The following IMMP2L variants were observed in gnomAD, a reference collection of about 807,000 sequenced individuals.
The protein encoded by IMMP2L is inner mitochondrial membrane peptidase subunit 2.
Under a neutral mutation model 19.3 loss-of-function variants are expected in IMMP2L, and 18 were observed. The observed-to-expected ratio is 0.93, with a 90% CI of 0.64 to 1.38. The LOEUF is 1.38. IMMP2L is among the 40% of genes most tolerant of loss of function. The pLI, the probability that IMMP2L is intolerant of heterozygous loss-of-function variation, is 0.00. For missense variants in IMMP2L, 233 were observed against 218.2 expected (o/e 1.07, Z -0.43); for synonymous variants, 76 against 73.0 (o/e 1.04, Z -0.21).
intron 3 of IMMP2L, among the ~76,000 whole-genome samples, chr7:111,251,211 C>G (rs138637915): frequency 0.01 from 1,554 of 152,206 alleles, 16 homozygotes; most frequent in Middle Eastern, 0.02. Context: ...CCATCTTACT[C>G]CAGTCAGAAT....
At chr7:110,789,708 T>C (rs1414124046) in intron 5 of IMMP2L, among the ~76,000 whole-genome samples, 1 of 151,636 alleles carries the variant, frequency 6.6e-6, no homozygotes, top group East Asian at 1.9e-4. Flanking sequence ...CTCCACCACC[T>C]CACTGACCTT....
At chr7:111,334,313 A>T (rs975805541) in intron 3 of IMMP2L, among the ~76,000 whole-genome samples, 2 of 151,982 alleles carry the variant, frequency 1.3e-5, no homozygotes, top group East Asian at 3.9e-4. Context: ...TGAACATGTT[A>T]TATTTGCCTT....
At chr7:111,516,290 C>T (rs1845860108) in intron 2 of IMMP2L, among the ~76,000 whole-genome samples, 1 of 151,638 alleles carries the variant, frequency 6.6e-6, no homozygotes, top group African/African-American at 2.4e-5. Flanking sequence ...ATGCAACCTA[C>T]TTTCAGATGG....
intron 3 of IMMP2L, among the ~76,000 whole-genome samples, chr7:110,980,921 T>G (rs762853309): frequency 2.0e-5 from 3 of 152,182 alleles, no homozygotes; most frequent in Non-Finnish European, 4.4e-5. Context: ...AATAAAATAT[T>G]TGAACCAGTG....
intron 3 of IMMP2L, among the ~76,000 whole-genome samples, chr7:111,156,088 T>G (rs538707502): frequency 6.6e-6 from 1 of 152,184 alleles, no homozygotes; most frequent in Non-Finnish European, 1.5e-5. Flanking sequence ...ATCTACAAGA[T>G]TTTTATTATT....
chr7:110,893,100 T>C (rs938054657), intron 4 of IMMP2L, among the ~76,000 whole-genome samples: 2 of 152,212 alleles, frequency 1.3e-5, no homozygotes, highest in Admixed American at 1.3e-4. Flanking sequence ...ACAACTTTTT[T>C]GGTTTCCTAG....
At chr7:111,488,302 T>C (rs1014895518) in intron 2 of IMMP2L, among the ~76,000 whole-genome samples, 1 of 152,180 alleles carries the variant, frequency 6.6e-6, no homozygotes, top group Non-Finnish European at 1.5e-5. Context: ...CAACGTACAC[T>C]GTACCCAGTG....
intron 3 of IMMP2L, among the ~76,000 whole-genome samples, chr7:111,121,791 C>T (rs1166949170): frequency 6.6e-6 from 1 of 152,124 alleles, no homozygotes; most frequent in Non-Finnish European, 1.5e-5. Flanking sequence ...ATGTTTATTG[C>T]AGCAGTATTC....
intron 3 of IMMP2L, among the ~76,000 whole-genome samples, chr7:111,058,936 C>T (rs573557622): frequency 6.6e-6 from 1 of 151,952 alleles, no homozygotes; most frequent in African/African-American, 2.4e-5. Flanking sequence ...GTGTTTTTTC[C>T]TTCCTTATGC....
At chr7:111,333,988 C>T (rs37639) in intron 3 of IMMP2L, among the ~76,000 whole-genome samples, 33,694 of 151,816 alleles carry the variant, frequency 0.22, 5,462 homozygotes, top group African/African-American at 0.46. Flanking sequence ...ATATCTTCTT[C>T]TAGAAAAAAA....
intron 3 of IMMP2L, among the ~76,000 whole-genome samples, chr7:111,027,281 A>G (rs2129568081): frequency 6.6e-6 from 1 of 152,258 alleles, no homozygotes; most frequent in Admixed American, 6.5e-5. Flanking sequence ...GAGGGTCTAG[A>G]CAGATACAAG....
At chr7:111,194,303 A>G (rs1213318485) in intron 3 of IMMP2L, among the ~76,000 whole-genome samples, 1 of 152,122 alleles carries the variant, frequency 6.6e-6, no homozygotes, top group Admixed American at 6.6e-5. Context: ...GTACTCTTTT[A>G]ATAGTGGAGT....
intron 4 of IMMP2L, among the ~76,000 whole-genome samples, chr7:110,929,026 T>A: frequency 6.6e-6 from 1 of 152,290 alleles, no homozygotes; most frequent in South Asian, 2.1e-4. Flanking sequence ...CTCTGTGTTT[T>A]ACTTTATTAC....
chr7:111,445,765 C>T (rs577056947), intron 3 of IMMP2L, among the ~76,000 whole-genome samples: 46 of 152,240 alleles, frequency 3.0e-4, no homozygotes, highest in African/African-American at 9.4e-4. Context: ...ACGCAGAAGA[C>T]GGGTGATTTC....
At chr7:111,418,887 A>C (rs1399387136) in intron 3 of IMMP2L, among the ~76,000 whole-genome samples, 1 of 151,864 alleles carries the variant, frequency 6.6e-6, no homozygotes, top group Non-Finnish European at 1.5e-5. Context: ...ACTTATGCAA[A>C]TAGTCCCTAA....
intron 5 of IMMP2L, among the ~76,000 whole-genome samples, chr7:110,714,210 A>AT (rs1301168274): frequency 6.6e-6 from 1 of 152,126 alleles, no homozygotes; most frequent in East Asian, 1.9e-4. Flanking sequence ...AATTCTGTTG[A>AT]TGTGGTGAAT....
intron 3 of IMMP2L, among the ~76,000 whole-genome samples, chr7:111,174,793 A>T (rs2129609770): frequency 6.6e-6 from 1 of 151,958 alleles, no homozygotes; most frequent in South Asian, 2.1e-4. Context: ...TGAAATCAAT[A>T]CTTGTGCAGT....
chr7:110,774,846 TCTC>T (rs1799271238), intron 5 of IMMP2L, among the ~76,000 whole-genome samples: 1 of 152,144 alleles, frequency 6.6e-6, no homozygotes, highest in African/African-American at 2.4e-5. Context: ...CTCATAATGA[TCTC>T]CTGCATTTAG....
At chr7:111,308,266 T>C (rs946143551) in intron 3 of IMMP2L, among the ~76,000 whole-genome samples, 2 of 151,922 alleles carry the variant, frequency 1.3e-5, no homozygotes, top group Non-Finnish European at 2.9e-5. Context: ...CATGAAAATA[T>C]GAAAGCTAAA....
Sources: allele counts gnomAD v4.1 joint callset (sites outside exome capture counted in the v4.1 genomes callset), GRCh38; gene constraint gnomAD v4.1.1; transcripts MANE v1.5; gene names NCBI Gene and HGNC (gene_info 2026-07-23, HGNC 2026-07-21).